SMYD3: variants seen among roughly 807,000 people sequenced by gnomAD.
The protein encoded by SMYD3 is SET and MYND domain containing 3.
SMYD3 carries 36 observed loss-of-function variants against 57.7 expected under a neutral mutation model. That is an observed-to-expected ratio of 0.62 (90% CI 0.48 to 0.82). The LOEUF (loss-of-function observed/expected upper bound fraction) is 0.82. SMYD3 is among the 40% of genes least tolerant of loss of function. The pLI is 0.00. For synonymous variants in SMYD3, 211 were observed against 195.0 expected (o/e 1.08, Z -0.68); for missense variants, 515 against 538.8 (o/e 0.96, Z 0.44).
Position 246,355,149 on chromosome 1 carries a change from T to G in SMYD3, c.165-55A>C. 6.5e-7 allele frequency: 1 copy of G among 1,535,604 alleles called. No homozygotes were observed. Among genetic ancestry groups the G allele is most frequent in the Non-Finnish European group, 9.0e-7 (1 of 1,108,742 alleles). Reference sequence around the variant, plus strand: ...AGAAATGAGTGGGAAACATAGTACATAGTTGAAGAAAGAAAACATAAGTCA... The same window carrying G: ...AGAAATGAGTGGGAAACATAGTACAGAGTTGAAGAAAGAAAACATAAGTCA... On this transcript the variant is annotated intron_variant, in intron 1 of 11. Transcript: ENST00000490107. The surrounding 1 kb of genome is among the most constrained non-coding windows in gnomAD (Gnocchi z 5.0).
chr1:245,928,810 G>A (rs2147842120), intron 6 of SMYD3, among the ~76,000 whole-genome samples: 1 of 152,260 alleles, frequency 6.6e-6, no homozygotes, highest in African/African-American at 2.4e-5. Flanking sequence ...AAATAATTAG[G>A]ACTATTTGCT....
Position 246,158,607 on chromosome 1 carries a change from G to C in SMYD3, c.531+168594C>G, listed in dbSNP as rs186409796. ...ATTGATTGAAAAATATGAAAAGGTA[G>C]AAGGTGCTTAGAATTCCTAGCACAT... On this transcript the variant is annotated intron_variant, in intron 5 of 11. Coordinates refer to ENST00000490107, the MANE Select transcript of SMYD3 (RefSeq NM_001167740.2). Among the ~76,000 whole-genome samples, 68 of 152,266 alleles carry C rather than the reference G, an allele frequency of 4.5e-4. 1 individual carries two copies. The South Asian group carries it at 8.1e-3, about 18-fold the overall frequency.
At chr1:246,344,533 C>T (rs540609711) in intron 2 of SMYD3, among the ~76,000 whole-genome samples, 3 of 152,252 alleles carry the variant, frequency 2.0e-5, no homozygotes, top group African/African-American at 4.8e-5. Flanking sequence ...GAACATTGAA[C>T]ATTTATGTAC....
At chr1:245,848,993 A>G (rs915703021) in intron 10 of SMYD3, among the ~76,000 whole-genome samples, 1 of 152,184 alleles carries the variant, frequency 6.6e-6, no homozygotes, top group Non-Finnish European at 1.5e-5. Context: ...TATCTAAAAC[A>G]TTAGAGTTCA....
intron 5 of SMYD3, among the ~76,000 whole-genome samples, chr1:246,185,929 C>G (rs528010189): frequency 3.3e-5 from 5 of 152,208 alleles, no homozygotes; most frequent in Admixed American, 1.3e-4. Context: ...AAACTTAGGA[C>G]AGTGGACCTT....
chr1:246,112,785 A>G (rs921222373), intron 5 of SMYD3, among the ~76,000 whole-genome samples: 1 of 152,262 alleles, frequency 6.6e-6, no homozygotes, highest in African/African-American at 2.4e-5. Flanking sequence ...GCTGTCTTAT[A>G]GAACAGAAAT....
At chr1:245,791,294 C>G (rs2047256383) in intron 10 of SMYD3, among the ~76,000 whole-genome samples, 1 of 152,188 alleles carries the variant, frequency 6.6e-6, no homozygotes, top group Non-Finnish European at 1.5e-5. Flanking sequence ...GAAAAGAGAT[C>G]TGGCAAGTAT....
At chr1:246,415,260 C>G (rs2067043050) in intron 1 of SMYD3, among the ~76,000 whole-genome samples, 1 of 152,184 alleles carries the variant, frequency 6.6e-6, no homozygotes. Context: ...CTTCTCTGAA[C>G]AGTTACAGCA....
intron 5 of SMYD3, among the ~76,000 whole-genome samples, chr1:245,964,886 G>A (rs1209522176): frequency 6.6e-6 from 1 of 150,820 alleles, no homozygotes; most frequent in African/African-American, 2.4e-5. Flanking sequence ...AGAATAAAGA[G>A]GGAAAGGAAC....
At chr1:246,126,647 T>A (rs1359611795) in intron 5 of SMYD3, among the ~76,000 whole-genome samples, 1 of 152,254 alleles carries the variant, frequency 6.6e-6, no homozygotes, top group African/African-American at 2.4e-5. Context: ...TAGGATTCTA[T>A]GTATGTTTAT....
At chr1:245,784,488 G>C (rs1474239481) in intron 10 of SMYD3, among the ~76,000 whole-genome samples, 1 of 152,080 alleles carries the variant, frequency 6.6e-6, no homozygotes, top group African/African-American at 2.4e-5. Context: ...ATGGCCAAGG[G>C]TGTCTCAAAA....
rs181978369 is a variant in SMYD3, at chr1:245,980,352, G to A, written c.532-50415C>T. On this transcript the variant is annotated intron_variant, in intron 5 of 11. Coordinates refer to ENST00000490107, the MANE Select transcript of SMYD3 (RefSeq NM_001167740.2). ...AATGTACTTCATCGACTCCACTCCT[G>A]TGATGTGAGATCCCTGAGGGCAGGA... is the stretch of plus-strand genomic sequence containing the variant. 7.3e-4 allele frequency among the ~76,000 whole-genome samples: 111 copies of A among 152,302 alleles called. 1 individual carries two copies. In the East Asian group the frequency reaches 0.017, roughly 24 times the overall value.
chr1:246,410,569 T>C (rs573899687), intron 1 of SMYD3, among the ~76,000 whole-genome samples: 1 of 152,208 alleles, frequency 6.6e-6, no homozygotes, highest in Non-Finnish European at 1.5e-5. Context: ...TGGATTCAGT[T>C]TGCCAGTATT....
chr1:245,943,755 C>G lies in SMYD3; in HGVS notation c.532-13818G>C, dbSNP rs932150883. Among the ~76,000 whole-genome samples the G allele has an allele frequency of 2.6e-5, 4 of 152,290 alleles. No individual in the cohort carries two copies. In the East Asian group the frequency reaches 7.7e-4, roughly 29 times the overall value. The stretch of plus-strand genomic sequence containing the variant: ...TCAATAAAATACTGGCAAACCAAAT[C>G]CAGCAGCACATCAAAAAACTTACCC... On this transcript the variant is annotated intron_variant, in intron 5 of 11. Coordinates refer to ENST00000490107, the MANE Select transcript of SMYD3 (RefSeq NM_001167740.2).
chr1:245,910,003 T>C (rs1419570533), intron 8 of SMYD3, among the ~76,000 whole-genome samples: 1 of 152,094 alleles, frequency 6.6e-6, no homozygotes, highest in African/African-American at 2.4e-5. Context: ...GCATTCAAAT[T>C]AGAAAGGAAG....
intron 10 of SMYD3, among the ~76,000 whole-genome samples, chr1:245,838,540 T>C (rs1367640385): frequency 6.6e-6 from 1 of 152,224 alleles, no homozygotes; most frequent in African/African-American, 2.4e-5. Flanking sequence ...TTCTGCTATA[T>C]CTAGATACAT....
chr1:246,107,209 C>A (rs1272642391), intron 5 of SMYD3, among the ~76,000 whole-genome samples: 2 of 151,306 alleles, frequency 1.3e-5, no homozygotes, highest in Non-Finnish European at 2.9e-5. Flanking sequence ...ATGGTGTGAA[C>A]CTGGGAGGCG....
chr1:245,749,721 T>TC, intron 11 of SMYD3, 57 bp from the exon 12 acceptor site: 1 of 1,381,840 alleles, frequency 7.2e-7, no homozygotes, highest in Non-Finnish European at 1.0e-6. Context: ...CTCAGGCCAT[T>TC]CCCCACCTTT....
At chr1:246,278,806 G>A (rs1042039616) in intron 5 of SMYD3, among the ~76,000 whole-genome samples, 11 of 152,226 alleles carry the variant, frequency 7.2e-5, no homozygotes, top group African/African-American at 2.4e-4. Context: ...CACAAAGTAT[G>A]TGATAATTCA....
Sources: gnomAD v4.1 joint callset for allele counts (sites outside exome capture counted in the v4.1 genomes callset) on GRCh38, gnomAD v4.1.1 for gene constraint, Gnocchi (gnomAD v3.1) non-coding constraint, MANE v1.5 for transcripts, NCBI Gene and HGNC (gene_info 2026-07-23, HGNC 2026-07-21) for gene names.